RTN3: variants seen among roughly 807,000 people sequenced by gnomAD.
RTN3 encodes reticulon 3, also known as reticulon-3.
Under a neutral mutation model 77.8 loss-of-function variants are expected in RTN3, and 49 were observed. The observed-to-expected ratio is 0.63, with a 90% CI of 0.50 to 0.80. The LOEUF is 0.80. Ranked by LOEUF, RTN3 falls within the 30% of genes least tolerant of loss-of-function variation. The pLI, the probability that RTN3 is intolerant of heterozygous loss-of-function variation, is 0.00. For synonymous variants in RTN3, 464 were observed against 446.9 expected (o/e 1.04, Z -0.48); for missense variants, 1,236 against 1,211.9 (o/e 1.02, Z -0.29).
intron 1 of RTN3, among the ~76,000 whole-genome samples, chr11:63,692,600 T>C (rs1590783006): frequency 6.6e-6 from 1 of 151,730 alleles, no homozygotes; most frequent in Middle Eastern, 3.4e-3. Flanking sequence ...CTACTAAAAA[T>C]ACAAAAAAAA....
chr11:63,722,240 G>C (rs1419884144), intron 3 of RTN3, among the ~76,000 whole-genome samples: 1 of 152,186 alleles, frequency 6.6e-6, no homozygotes, highest in Non-Finnish European at 1.5e-5. Context: ...TTTGATTATA[G>C]ATCTTTTATC....
At chr11:63,744,963 A>G (rs893621141) in intron 3 of RTN3, among the ~76,000 whole-genome samples, 4 of 152,218 alleles carry the variant, frequency 2.6e-5, no homozygotes, top group Admixed American at 6.6e-5. Context: ...CTGCACTCCA[A>G]CCTGGGCGAT....
At chr11:63,733,286 G>A (rs1003152806) in intron 3 of RTN3, among the ~76,000 whole-genome samples, 3 of 152,094 alleles carry the variant, frequency 2.0e-5, no homozygotes, top group African/African-American at 7.2e-5. Flanking sequence ...TCAGGAGATC[G>A]AGACCATCCT....
chr11:63,709,790 CT>C (rs1274044809), intron 2 of RTN3, among the ~76,000 whole-genome samples: 2 of 152,008 alleles, frequency 1.3e-5, no homozygotes, highest in African/African-American at 4.8e-5. Context: ...TATTTCAAAC[CT>C]CCCTCAAATG....
Position 63,719,984 on chromosome 11 carries a change from T to C in RTN3, c.1482T>C (p.Ala494=), listed in dbSNP as rs779709239. The C allele has an allele frequency of 6.2e-7, 1 of 1,614,168 alleles. No individual in the cohort carries two copies. The highest frequency in any genetic ancestry group is 8.5e-7 in the Non-Finnish European group (1 of 1,180,016). Residue 494 remains alanine (A), a synonymous_variant, in exon 3 of 9, where the codon GCT becomes GCC. Transcript: ENST00000377819. Reference sequence around the variant, plus strand: ...CTGCATTGGGAGAAATCACAGAAGCTGATAGTTCTGGTGAGTCTGATGACA... The same window carrying C: ...CTGCATTGGGAGAAATCACAGAAGCCGATAGTTCTGGTGAGTCTGATGACA... The part of the protein sequence containing the change: ...QSSALGEITE[A]DSSGESDDTV...
intron 1 of RTN3, among the ~76,000 whole-genome samples, chr11:63,704,170 T>G (rs963196685): frequency 1.3e-5 from 2 of 151,612 alleles, no homozygotes; most frequent in Admixed American, 6.6e-5. Flanking sequence ...GCCTGGCTAA[T>G]TTTTGTATTT....
At chr11:63,739,595 A>G (rs1344510741) in intron 3 of RTN3, among the ~76,000 whole-genome samples, 2 of 152,224 alleles carry the variant, frequency 1.3e-5, no homozygotes, top group Non-Finnish European at 2.9e-5. Flanking sequence ...TACCTGACAC[A>G]TAACCAGAAT....
At chr11:63,742,474 C>T (rs538689410) in intron 3 of RTN3, among the ~76,000 whole-genome samples, 5 of 151,576 alleles carry the variant, frequency 3.3e-5, no homozygotes, top group South Asian at 4.2e-4. Context: ...GGTGAAACCC[C>T]GTCTCTACTA....
At chr11:63,683,463 CAG>C (rs1387203223) in intron 1 of RTN3, among the ~76,000 whole-genome samples, 2 of 152,148 alleles carry the variant, frequency 1.3e-5, no homozygotes, top group South Asian at 2.1e-4. Context: ...CAAGATAAGA[CAG>C]ATGTTAAGTG....
intron 4 of RTN3, among the ~76,000 whole-genome samples, chr11:63,751,433 T>C (rs1279394618): frequency 6.6e-6 from 1 of 152,268 alleles, no homozygotes; most frequent in African/African-American, 2.4e-5. Context: ...ATTTCTAGTA[T>C]ACAATTTCTA....
intron 3 of RTN3, among the ~76,000 whole-genome samples, chr11:63,723,192 A>C (rs1042308100): frequency 6.6e-6 from 1 of 152,188 alleles, no homozygotes; most frequent in African/African-American, 2.4e-5. Flanking sequence ...ACCAAAGTCT[A>C]TGATTAGTGT....
chr11:63,738,295 TAAG>T (rs1207928973), intron 3 of RTN3, among the ~76,000 whole-genome samples: 3 of 152,150 alleles, frequency 2.0e-5, no homozygotes, highest in African/African-American at 7.2e-5. Context: ...AGACAAGTTT[TAAG>T]AAACTGTTGC....
At chr11:63,708,844 A>C (rs1030801817) in intron 2 of RTN3, among the ~76,000 whole-genome samples, 1 of 152,214 alleles carries the variant, frequency 6.6e-6, no homozygotes, top group African/African-American at 2.4e-5. Context: ...AAAATAGTGG[A>C]TTACATTTTA....
Position 63,713,051 on chromosome 11 carries a change from C to T in RTN3, c.200-5651C>T, listed in dbSNP as rs370386125. On this transcript the variant is annotated intron_variant, in intron 2 of 8. Transcript: ENST00000377819. ...CAGAGGTTGCGGTGAGCCAAGGTCA[C>T]ACCATTGCACTCCAGCCTGGGCAAA... is the stretch of plus-strand genomic sequence containing the variant. Among the ~76,000 whole-genome samples, 237 of 152,196 alleles carry T rather than the reference C, an allele frequency of 1.6e-3. 2 individuals are homozygous for T. In the South Asian group the frequency reaches 0.016, roughly 10 times the overall value.
chr11:63,695,852 G>A (rs1018791282), intron 1 of RTN3, among the ~76,000 whole-genome samples: 6 of 152,108 alleles, frequency 3.9e-5, no homozygotes, highest in African/African-American at 7.2e-5. Context: ...GAGAAAAGGG[G>A]CGTTAGGGAA....
In RTN3 at chr11:63,729,316, T is replaced by C. The variant is rs192760333; in HGVS notation, c.2530+8284T>C. Among the ~76,000 whole-genome samples the C allele has an allele frequency of 2.1e-3, 314 of 152,060 alleles. 3 individuals are homozygous for C. The highest frequency in any genetic ancestry group is 2.5e-3 in the Non-Finnish European group (169 of 67,984). On this transcript the variant is annotated intron_variant, in intron 3 of 8. Coordinates refer to ENST00000377819, the MANE Select transcript of RTN3 (RefSeq NM_001265589.2). ...TTTTTCCTCTTAATTTCTTAAAATA[T>C]ATAGGATTGCTTAAAGCAAAAATTG... is the stretch of plus-strand genomic sequence containing the variant.
At chr11:63,717,860 C>G (rs1156346816) in intron 2 of RTN3, among the ~76,000 whole-genome samples, 1 of 151,590 alleles carries the variant, frequency 6.6e-6, no homozygotes, top group Admixed American at 6.6e-5. Flanking sequence ...TCTAAAAATA[C>G]AAAAATTAGC....
intron 1 of RTN3, among the ~76,000 whole-genome samples, chr11:63,703,015 A>G (rs900672905): frequency 2.6e-5 from 4 of 152,080 alleles, no homozygotes; most frequent in African/African-American, 4.8e-5. Context: ...TAATTCGTAG[A>G]TGGACTATGT....
chr11:63,742,805 G>C (rs567190844), intron 3 of RTN3, among the ~76,000 whole-genome samples: 27 of 152,104 alleles, frequency 1.8e-4, no homozygotes, highest in Admixed American at 4.6e-4. Flanking sequence ...ATGTTTTATA[G>C]ATTTCACTGT....
Sources: allele counts gnomAD v4.1 joint callset (sites outside exome capture counted in the v4.1 genomes callset), GRCh38; gene constraint gnomAD v4.1.1; transcripts MANE v1.5; gene names NCBI Gene and HGNC (gene_info 2026-07-23, HGNC 2026-07-21).